TMEM9: variants seen among roughly 807,000 people sequenced by gnomAD.
TMEM9 encodes the protein proton-transporting V-type ATPase complex assembly regulator TMEM9.
A neutral mutation model predicts 22.8 loss-of-function variants in TMEM9; 13 were observed. The ratio of observed to expected loss-of-function variants is 0.57; its 90% CI spans 0.37 to 0.91. The LOEUF (loss-of-function observed/expected upper bound fraction) is 0.91. TMEM9 is among the 40% of genes least tolerant of loss of function. The pLI is 0.01. For missense variants in TMEM9, 182 were observed against 238.1 expected, an observed-to-expected ratio of 0.76 and a Z score of 1.55; for synonymous variants, 88 against 93.0, an observed-to-expected ratio of 0.95 and a Z score of 0.31.
intron 4 of TMEM9, among the ~76,000 whole-genome samples, chr1:201,141,064 C>T (rs558389535): frequency 1.1e-4 from 17 of 152,206 alleles, no homozygotes; most frequent in Non-Finnish European, 2.2e-4. Context: ...TCCCAACCAC[C>T]CTGAGTGGGC....
At chr1:201,147,258 C>A (rs1377852992) in intron 2 of TMEM9, among the ~76,000 whole-genome samples, 1 of 152,180 alleles carries the variant, frequency 6.6e-6, no homozygotes, top group Non-Finnish European at 1.5e-5. Context: ...CTACAGGAGT[C>A]ACTATGTGCA....
chr1:201,137,351 G>A (rs1664092238), intron 4 of TMEM9, among the ~76,000 whole-genome samples: 1 of 152,204 alleles, frequency 6.6e-6, no homozygotes, highest in South Asian at 2.1e-4. Context: ...CACTTATGAG[G>A]CTATGTGTCC....
chr1:201,153,850 T>G lies in TMEM9; in HGVS notation c.66+8A>C, dbSNP rs1383607978. The G allele has an allele frequency of 1.2e-6, 2 of 1,614,092 alleles. No homozygotes were observed. The highest frequency in any genetic ancestry group is 4.5e-5 in the East Asian group (2 of 44,866). ...CGTGACCAGGTGCTGCAGGCTCACC[T>G]CCCTCACCTTGTTGGCTTCAGCTGG... On this transcript the variant is annotated splice_region_variant and intron_variant, in intron 1 of 4. Transcript: ENST00000367330.
chr1:201,161,086 G>C (rs1665935039), intron 1 of TMEM9, among the ~76,000 whole-genome samples: 2 of 151,848 alleles, frequency 1.3e-5, no homozygotes, highest in Admixed American at 1.3e-4. Flanking sequence ...AGCGTCTTTT[G>C]GTCAAAAAAA....
Position 201,135,583 on chromosome 1 carries a change from GAGAAGT to G in TMEM9, c.*74_*79del. 7.2e-7 allele frequency: 1 copy of G among 1,388,700 alleles called. No homozygotes were observed. The highest frequency in any genetic ancestry group is 9.6e-7 in the Non-Finnish European group (1 of 1,043,536). The allele number at this position is 1,388,700 out of a possible 1,614,324, so 86.0% of individuals were successfully genotyped here. A position where few individuals can be genotyped will look rare whatever the true frequency, so the allele number is the denominator to read the frequency against. On this transcript the variant is annotated 3_prime_UTR_variant, in exon 5 of 5. Coordinates refer to ENST00000367330, the MANE Select transcript of TMEM9 (RefSeq NM_001288565.2). ...AGGGAAGACTGGAACCGAGGGAAGG[GAGAAGT>G]AGCCCCCTGCTTTGTCCAGCCTGGA...
At chr1:201,162,388 C>T (rs1266670382) in intron 1 of TMEM9, among the ~76,000 whole-genome samples, 2 of 151,978 alleles carry the variant, frequency 1.3e-5, no homozygotes, top group African/African-American at 2.4e-5. Context: ...CCTCCCACCT[C>T]GGCCTCCCAA....
intron 4 of TMEM9, 94 bp from the exon 5 acceptor site, chr1:201,135,909 G>A: frequency 2.3e-6 from 3 of 1,313,576 alleles, no homozygotes; most frequent in Non-Finnish European, 3.0e-6. Flanking sequence ...GAACCCCAAA[G>A]CCTTACCTTC....
At chr1:201,170,698 C>G (rs1666189053) in intron 1 of TMEM9, among the ~76,000 whole-genome samples, 1 of 152,152 alleles carries the variant, frequency 6.6e-6, no homozygotes, top group Admixed American at 6.5e-5. Flanking sequence ...ATATTTGCCC[C>G]GGGTAAACGC....
intron 4 of TMEM9, among the ~76,000 whole-genome samples, chr1:201,142,998 C>A (rs893784468): frequency 6.6e-6 from 1 of 152,232 alleles, no homozygotes; most frequent in East Asian, 1.9e-4. Flanking sequence ...CCTGTCCCCC[C>A]GGGTTTCCTC....
Position 201,135,583 on chromosome 1 carries a change from G to T in TMEM9, c.*80C>A. 13 of 1,388,698 alleles carry T rather than the reference G, an allele frequency of 9.4e-6. No individual in the cohort carries two copies. Among genetic ancestry groups the T allele is most frequent in the Non-Finnish European group, 1.2e-5 (13 of 1,043,536 alleles). The allele number at this position is 1,388,698 out of a possible 1,614,324, so 86.0% of individuals were successfully genotyped here. Reference sequence around the variant, plus strand: ...AGGGAAGACTGGAACCGAGGGAAGGGAGAAGTAGCCCCCTGCTTTGTCCAG... The same window carrying T: ...AGGGAAGACTGGAACCGAGGGAAGGTAGAAGTAGCCCCCTGCTTTGTCCAG... On this transcript the variant is annotated 3_prime_UTR_variant, in exon 5 of 5. Transcript: ENST00000367330.
At chr1:201,159,647 C>T (rs1164434541) in intron 1 of TMEM9, among the ~76,000 whole-genome samples, 1 of 150,396 alleles carries the variant, frequency 6.6e-6, no homozygotes, top group African/African-American at 2.4e-5. Flanking sequence ...CTCTTGACCT[C>T]AAGCGATCCT....
intron 4 of TMEM9, among the ~76,000 whole-genome samples, chr1:201,138,572 G>A (rs571808167): frequency 6.6e-6 from 1 of 152,268 alleles, no homozygotes; most frequent in South Asian, 2.1e-4. Context: ...GAGGCGGGTG[G>A]AGCCCCTCCC....
At chr1:201,151,933 T>A in intron 1 of TMEM9, 81 bp from the exon 2 acceptor site, 1 of 1,045,892 alleles carries the variant, frequency 9.6e-7, no homozygotes. Context: ...GGTTGTCAAC[T>A]TTCTGTTCCC....
chr1:201,138,792 C>T (rs1002924550), intron 4 of TMEM9, among the ~76,000 whole-genome samples: 1 of 152,234 alleles, frequency 6.6e-6, no homozygotes, highest in African/African-American at 2.4e-5. Context: ...AATCATCTTG[C>T]TGCCCAAGGC....
At position 201,153,934 on chromosome 1, in the gene TMEM9, C is replaced by T; in HGVS notation, c.-11G>A. On this transcript the variant is annotated 5_prime_UTR_variant, in exon 1 of 5. Transcript: ENST00000367330. ...AGATAAGAGCTTCATGCTTATCAGG[C>T]TTGCTGGGCCAGCAAAGCCGGACAC... 3 of 1,601,626 alleles carry T rather than the reference C, an allele frequency of 1.9e-6. No individual in the cohort carries two copies. In the South Asian group the frequency reaches 3.3e-5, roughly 18 times the overall value.
At chr1:201,152,988 A>G (rs1352818514) in intron 1 of TMEM9, among the ~76,000 whole-genome samples, 1 of 152,224 alleles carries the variant, frequency 6.6e-6, no homozygotes, top group East Asian at 1.9e-4. Flanking sequence ...TCATCTCTAG[A>G]GGACCCACTT....
upstream of TMEM9, among the ~76,000 whole-genome samples, chr1:201,155,109 C>T (rs768852159): frequency 6.6e-6 from 1 of 152,172 alleles, no homozygotes; most frequent in Non-Finnish European, 1.5e-5. Context: ...ATGTGAACTT[C>T]TTGCCAGCTG....
intron 1 of TMEM9, among the ~76,000 whole-genome samples, chr1:201,165,346 C>T (rs1666048013): frequency 6.6e-6 from 1 of 151,278 alleles, no homozygotes; most frequent in Non-Finnish European, 1.5e-5. Flanking sequence ...GTGTAATGCT[C>T]ATGGTGAATA....
At chr1:201,141,416 G>A (rs1360592257) in intron 4 of TMEM9, among the ~76,000 whole-genome samples, 5 of 152,184 alleles carry the variant, frequency 3.3e-5, no homozygotes, top group Admixed American at 6.5e-5. Context: ...CACAGGAGGT[G>A]AGGGGATAGA....
Sources: allele counts gnomAD v4.1 joint callset (sites outside exome capture counted in the v4.1 genomes callset), GRCh38; gene constraint gnomAD v4.1.1; transcripts MANE v1.5; gene names NCBI Gene and HGNC (gene_info 2026-07-23, HGNC 2026-07-21).